The following EVI5 variants were observed in gnomAD, a reference collection of about 807,000 sequenced individuals.
EVI5 encodes ecotropic viral integration site 5.
In EVI5, 73 loss-of-function variants were observed where a neutral mutation model predicts 112.0. That is an observed-to-expected ratio of 0.65 (90% CI 0.54 to 0.79). The LOEUF is 0.79. EVI5 is among the 30% of genes least tolerant of loss of function. The probability of loss-of-function intolerance (pLI) is 0.00; values close to 1 mark genes in which losing one functional copy is unlikely to be tolerated. For missense variants in EVI5, 900 were observed against 968.8 expected (o/e 0.93, Z 0.94); for synonymous variants, 305 against 319.9 (o/e 0.95, Z 0.50).
At chr1:92,684,664 C>T (rs759679200) in intron 9 of EVI5, among the ~76,000 whole-genome samples, 23 of 151,922 alleles carry the variant, frequency 1.5e-4, no homozygotes, top group Admixed American at 2.6e-4. Flanking sequence ...ACCCACCTCA[C>T]GTGCAAAGAC....
At chr1:92,517,944 C>T (rs1014672690) in intron 19 of EVI5, among the ~76,000 whole-genome samples, 2 of 139,926 alleles carry the variant, frequency 1.4e-5, no homozygotes, top group African/African-American at 5.5e-5. Flanking sequence ...GTTGCCCAGG[C>T]TGGAGTGCAG....
chr1:92,615,214 A>G (rs1204933680), intron 16 of EVI5, among the ~76,000 whole-genome samples: 3 of 152,134 alleles, frequency 2.0e-5, no homozygotes, highest in African/African-American at 7.2e-5. Flanking sequence ...ACCTTTGACT[A>G]TATGTGGAGA....
At chr1:92,522,408 C>T (rs947151356) in intron 19 of EVI5, among the ~76,000 whole-genome samples, 1 of 151,942 alleles carries the variant, frequency 6.6e-6, no homozygotes, top group African/African-American at 2.4e-5. Flanking sequence ...GAGGCCAAGG[C>T]AGAAGGATCA....
At chr1:92,760,880 C>T (rs1481338898) in intron 1 of EVI5, among the ~76,000 whole-genome samples, 1 of 151,746 alleles carries the variant, frequency 6.6e-6, no homozygotes, top group African/African-American at 2.4e-5. Flanking sequence ...TACGGTGAAA[C>T]CCCATCTCTA....
At chr1:92,591,346 T>C (rs1673847591) in intron 18 of EVI5, among the ~76,000 whole-genome samples, 1 of 152,148 alleles carries the variant, frequency 6.6e-6, no homozygotes, top group Non-Finnish European at 1.5e-5. Flanking sequence ...GACCCATCAG[T>C]GTGCTGTATT....
chr1:92,573,372 T>A (rs1259523273), intron 18 of EVI5, among the ~76,000 whole-genome samples: 1 of 152,122 alleles, frequency 6.6e-6, no homozygotes, highest in East Asian at 1.9e-4. Flanking sequence ...AAAACATAAA[T>A]TCAAAATTCT....
intron 18 of EVI5, among the ~76,000 whole-genome samples, chr1:92,587,920 T>C (rs2101185006): frequency 6.6e-6 from 1 of 152,260 alleles, no homozygotes; most frequent in Non-Finnish European, 1.5e-5. Flanking sequence ...AAATACAAAC[T>C]CAATCCCAGG....
At chr1:92,683,305 G>T (rs779411424) in intron 9 of EVI5, among the ~76,000 whole-genome samples, 3 of 152,112 alleles carry the variant, frequency 2.0e-5, no homozygotes, top group Non-Finnish European at 4.4e-5. Flanking sequence ...AACTCCAAAA[G>T]ATCTGCAGCT....
At chr1:92,673,397 A>G (rs1287722524) in intron 10 of EVI5, among the ~76,000 whole-genome samples, 4 of 152,136 alleles carry the variant, frequency 2.6e-5, no homozygotes, top group African/African-American at 9.7e-5. Context: ...AAATATAAAA[A>G]TTAGATTAAC....
chr1:92,546,330 T>C (rs566878590), intron 19 of EVI5, among the ~76,000 whole-genome samples: 8 of 152,272 alleles, frequency 5.3e-5, no homozygotes, highest in Non-Finnish European at 8.8e-5. Flanking sequence ...ATAAAGATGA[T>C]AGTTTCTCAA....
intron 2 of EVI5, among the ~76,000 whole-genome samples, chr1:92,716,458 T>C (rs180871534): frequency 5.3e-5 from 8 of 152,310 alleles, no homozygotes; most frequent in Admixed American, 1.3e-4. Context: ...CAAAATCCCA[T>C]GTGTAGGTCA....
intron 1 of EVI5, among the ~76,000 whole-genome samples, chr1:92,766,671 TTAAC>T (rs1433561028): frequency 3.3e-5 from 5 of 152,192 alleles, no homozygotes; most frequent in African/African-American, 1.2e-4. Flanking sequence ...TTTAGTTACT[TTAAC>T]TACACAGGTA....
Position 92,625,881 on chromosome 1 carries a change from G to T in EVI5, c.1581C>A (p.Leu527=), listed in dbSNP as rs1203009655. ...ENNIARLQEE[L]IAVKLREAEA... is the part of the protein sequence containing the mutation. ...CTGCTTCTCTAAGTTTCACAGCAAT[G>T]AGTTCTTCCTGAAGCCTTGCAATAT... The change falls in exon 15 of 20, where the codon CTC becomes CTA. Residue 527 remains leucine, a synonymous_variant. Coordinates refer to ENST00000684568, the MANE Select transcript of EVI5 (RefSeq NM_001350197.2). 1.2e-6 allele frequency: 2 copies of T among 1,609,494 alleles called. No individual in the cohort carries two copies. The highest frequency in any genetic ancestry group is 3.3e-5 in the Admixed American group (2 of 60,012).
intron 1 of EVI5, among the ~76,000 whole-genome samples, chr1:92,754,148 A>G (rs572378712): frequency 6.6e-6 from 1 of 152,350 alleles, no homozygotes; most frequent in East Asian, 1.9e-4. Flanking sequence ...TGGTCTTTAC[A>G]TGCTATCCAA....
intron 6 of EVI5, among the ~76,000 whole-genome samples, chr1:92,697,324 T>C (rs540538905): frequency 1.3e-5 from 2 of 152,234 alleles, no homozygotes; most frequent in East Asian, 3.9e-4. Flanking sequence ...CAAAGGTATT[T>C]TTCCCTTGAT....
chr1:92,596,011 CA>C, intron 18 of EVI5, among the ~76,000 whole-genome samples: 1 of 152,102 alleles, frequency 6.6e-6, no homozygotes, highest in Non-Finnish European at 1.5e-5. Context: ...AACAAAATCT[CA>C]TTTTAAAATT....
In EVI5 at chr1:92,693,870, A is replaced by C. The variant is rs750625855; in HGVS notation, c.1029T>G (p.Phe343Leu). Residue 343 changes from phenylalanine to leucine, a missense_variant, in exon 9 of 20, where the codon TTT becomes TTG. Coordinates refer to ENST00000684568, the MANE Select transcript of EVI5 (RefSeq NM_001350197.2). ...QHFQKVIPHQ[F>L]DGVPDKLIQA... ...GGATTAGCTTGTCTGGGACACCATCAAACTGATGTGGAATGACCTTTTGAA... is the reference window on the plus strand; with the variant it reads ...GGATTAGCTTGTCTGGGACACCATCCAACTGATGTGGAATGACCTTTTGAA... 1.2e-6 allele frequency: 2 copies of C among 1,604,558 alleles called. No individual in the cohort carries two copies. Among genetic ancestry groups the C allele is most frequent in the African/African-American group, 2.7e-5 (2 of 74,708 alleles).
At chr1:92,785,963 G>A (rs927752849), upstream of EVI5, among the ~76,000 whole-genome samples, 4 of 151,674 alleles carry the variant, frequency 2.6e-5, no homozygotes, top group African/African-American at 9.7e-5. Context: ...GCGTGCGCCT[G>A]TACTCCCAGC....
chr1:92,670,947 A>C (rs1665774667), intron 10 of EVI5, among the ~76,000 whole-genome samples: 2 of 151,854 alleles, frequency 1.3e-5, no homozygotes, highest in Admixed American at 1.3e-4. Flanking sequence ...TATCTTCCTG[A>C]CTCCAGTGAT....
Sources: allele counts gnomAD v4.1 joint callset (sites outside exome capture counted in the v4.1 genomes callset), GRCh38; gene constraint gnomAD v4.1.1; transcripts MANE v1.5; gene names NCBI Gene and HGNC (gene_info 2026-07-23, HGNC 2026-07-21).